Variants in SENP6 observed in about 807,000 individuals in gnomAD.
SENP6 encodes the protein sentrin-specific protease 6.
Under a neutral mutation model 134.5 loss-of-function variants are expected in SENP6, and 41 were observed. That is an observed-to-expected ratio of 0.30 (90% CI 0.24 to 0.40). The LOEUF (loss-of-function observed/expected upper bound fraction) is 0.40. Ranked by LOEUF, SENP6 falls within the 10% of genes least tolerant of loss-of-function variation. The probability of loss-of-function intolerance (pLI) is 1.00; values close to 1 mark genes in which losing one functional copy is unlikely to be tolerated. For missense variants in SENP6, 1,248 were observed against 1,312.5 expected, an observed-to-expected ratio of 0.95 and a Z score of 0.76; for synonymous variants, 395 against 429.8, an observed-to-expected ratio of 0.92 and a Z score of 1.00.
chr6:75,641,288 T>C (rs1243244176), intron 6 of SENP6, among the ~76,000 whole-genome samples: 4 of 152,294 alleles, frequency 2.6e-5, no homozygotes, highest in Middle Eastern at 3.4e-3. Context: ...GTGACTCCTT[T>C]CTTTTAAAAT....
intron 10 of SENP6, among the ~76,000 whole-genome samples, chr6:75,669,686 A>T (rs2149872410): frequency 6.6e-6 from 1 of 152,342 alleles, no homozygotes; most frequent in East Asian, 1.9e-4. Flanking sequence ...ATAGTTTAAA[A>T]TATGTAAATA....
At chr6:75,629,693 A>G (rs1023193819) in intron 3 of SENP6, among the ~76,000 whole-genome samples, 2 of 152,196 alleles carry the variant, frequency 1.3e-5, no homozygotes, top group Non-Finnish European at 2.9e-5. Context: ...ATATATACAT[A>G]TATCTACTTG....
At chr6:75,694,797 T>C (rs1032287148) in intron 16 of SENP6, among the ~76,000 whole-genome samples, 6 of 152,244 alleles carry the variant, frequency 3.9e-5, no homozygotes, top group African/African-American at 1.2e-4. Context: ...ATTTTTCTTA[T>C]GCTTTTGGGC....
At chr6:75,695,737 A>C in intron 16 of SENP6, 67 bp from the exon 17 acceptor site, 2 of 1,351,840 alleles carry the variant, frequency 1.5e-6, no homozygotes, top group Non-Finnish European at 2.0e-6. Flanking sequence ...ACTCTGTCTC[A>C]AAAAAATAGA....
chr6:75,602,354 C>G lies in SENP6; in HGVS notation c.-171C>G, dbSNP rs1379040033. 1.5e-6 allele frequency: 1 copy of G among 665,198 alleles called. No homozygotes were observed. Among genetic ancestry groups the G allele is most frequent in the Non-Finnish European group, 2.4e-6 (1 of 420,294 alleles). 41.2% of individuals were successfully genotyped at this position (665,198 alleles called of 1,614,324 possible). On this transcript the variant is annotated 5_prime_UTR_variant, in exon 1 of 24. Transcript: ENST00000447266. Reference sequence around the variant, plus strand: ...CGCGGACAGGCCCGGGCGCGCCTGGCCTGCCTTTGTATAGGCCCGTCTGAA... The same window carrying G: ...CGCGGACAGGCCCGGGCGCGCCTGGGCTGCCTTTGTATAGGCCCGTCTGAA...
At chr6:75,606,225 G>A (rs997409201) in intron 1 of SENP6, among the ~76,000 whole-genome samples, 1 of 152,098 alleles carries the variant, frequency 6.6e-6, no homozygotes, top group East Asian at 1.9e-4. Flanking sequence ...CTTCTGTAGG[G>A]AAAAGGAGAC....
intron 18 of SENP6, among the ~76,000 whole-genome samples, chr6:75,701,483 T>TA (rs1257036638): frequency 6.6e-6 from 1 of 152,204 alleles, no homozygotes; most frequent in Non-Finnish European, 1.5e-5. Context: ...TAGCATGAGA[T>TA]AAAACATTAC....
chr6:75,628,667 G>C (rs1019716376), intron 3 of SENP6, among the ~76,000 whole-genome samples: 4 of 152,000 alleles, frequency 2.6e-5, no homozygotes, highest in African/African-American at 7.3e-5. Context: ...GACAAATCCT[G>C]GTTACATTCT....
At chr6:75,650,013 A>G (rs996941285) in intron 7 of SENP6, among the ~76,000 whole-genome samples, 2 of 152,172 alleles carry the variant, frequency 1.3e-5, no homozygotes, top group African/African-American at 4.8e-5. Context: ...GCTTTTCACT[A>G]ATATCCTTTT....
intron 7 of SENP6, among the ~76,000 whole-genome samples, chr6:75,650,032 A>G (rs1288452509): frequency 6.6e-6 from 1 of 152,126 alleles, no homozygotes; most frequent in African/African-American, 2.4e-5. Context: ...TTTCTGTTCC[A>G]CGATTCATTC....
intron 14 of SENP6, 56 bp downstream of exon 14, chr6:75,677,312 A>G: frequency 8.6e-7 from 1 of 1,165,126 alleles, no homozygotes; most frequent in Non-Finnish European, 1.2e-6. Flanking sequence ...TTTTAAAGGG[A>G]AATATGTTTT....
rs745358779 is a variant in SENP6, at chr6:75,663,229, A to G, written c.705A>G (p.Gln235=). The G allele has an allele frequency of 1.2e-4, 189 of 1,607,966 alleles. No homozygotes were observed. The highest frequency in any genetic ancestry group is 1.4e-4 in the Non-Finnish European group (165 of 1,178,660). The change falls in exon 9 of 24, where the codon CAA becomes CAG. Residue 235 remains glutamine, a synonymous_variant. Coordinates refer to ENST00000447266, the MANE Select transcript of SENP6 (RefSeq NM_015571.4). Reference sequence around the variant, plus strand: ...GTGTTCTTTTTTCTAAGGATTTGCAAAGAAATTGCAGACAAGCTATTACTT... The same window carrying G: ...GTGTTCTTTTTTCTAAGGATTTGCAGAGAAATTGCAGACAAGCTATTACTT... ...KKCLTHLEDL[Q]RNCRQAITLN...
At chr6:75,613,700 A>G (rs1767634587) in intron 1 of SENP6, among the ~76,000 whole-genome samples, 1 of 151,972 alleles carries the variant, frequency 6.6e-6, no homozygotes, top group South Asian at 2.1e-4. Flanking sequence ...AATTTCAGAC[A>G]TGCTGCTCAT....
chr6:75,691,982 G>A (rs551890432), intron 16 of SENP6, among the ~76,000 whole-genome samples: 2 of 152,192 alleles, frequency 1.3e-5, no homozygotes, highest in Non-Finnish European at 2.9e-5. Context: ...TCAGCCTCCT[G>A]AGTAGCTGGG....
chr6:75,705,925 CTTTTTTTTT>C (rs71544062), intron 19 of SENP6, among the ~76,000 whole-genome samples: 1 of 47,940 alleles, frequency 2.1e-5, no homozygotes, highest in Non-Finnish European at 3.5e-5. Flanking sequence ...ATTTTTGAGC[CTTTTTTTTT>C]TTTTTTTTTT....
In SENP6 at chr6:75,634,758, A is replaced by G; in HGVS notation, c.405A>G (p.Arg135=). Reference sequence around the variant, plus strand: ...GTTCTGGAACTGTAGTTCATGGTAGACGTTTTCATCATGCTCATGCACAGA... The same window carrying G: ...GTTCTGGAACTGTAGTTCATGGTAGGCGTTTTCATCATGCTCATGCACAGA... The part of the protein sequence containing the change: ...SLCSGTVVHG[R]RFHHAHAQIP... The change falls in exon 5 of 24, where the codon AGA becomes AGG. Residue 135 remains arginine (R), a synonymous_variant. Transcript: ENST00000447266. 4.4e-6 allele frequency: 7 copies of G among 1,596,680 alleles called. No homozygotes were observed. The highest frequency in any genetic ancestry group is 6.0e-6 in the Non-Finnish European group (7 of 1,176,266).
chr6:75,678,959 A>G (rs889620724), intron 16 of SENP6, 32 bp downstream of exon 16: 1 of 1,024,108 alleles, frequency 9.8e-7, no homozygotes, highest in Admixed American at 2.0e-5. Context: ...CTTTTATTAA[A>G]TCTTTAACAT....
At chr6:75,654,934 A>G (rs1439738319) in intron 7 of SENP6, 1 of 152,198 alleles carries the variant, frequency 6.6e-6, no homozygotes, top group Non-Finnish European at 1.5e-5. Flanking sequence ...GTCATCCCTT[A>G]CTACGTTAAT....
At chr6:75,694,248 G>A (rs1774499986) in intron 16 of SENP6, among the ~76,000 whole-genome samples, 1 of 152,114 alleles carries the variant, frequency 6.6e-6, no homozygotes, top group South Asian at 2.1e-4. Context: ...CAACAAGAGT[G>A]AAACTCTTAT....
Sources: allele counts gnomAD v4.1 joint callset (sites outside exome capture counted in the v4.1 genomes callset), GRCh38; gene constraint gnomAD v4.1.1; transcripts MANE v1.5; gene names NCBI Gene and HGNC (gene_info 2026-07-23, HGNC 2026-07-21).